Variants in CCDC7 observed in about 807,000 individuals in gnomAD.
CCDC7 encodes coiled-coil domain-containing protein 7.
CCDC7 carries 183 observed loss-of-function variants against 196.9 expected under a neutral mutation model. The observed-to-expected ratio is 0.93, with a 90% CI of 0.82 to 1.05. The LOEUF (loss-of-function observed/expected upper bound fraction) is 1.05. Among genes scored for constraint, CCDC7 ranks in the 50% least tolerant of loss-of-function variants. The pLI is 0.00. For synonymous variants in CCDC7, 525 were observed against 484.6 expected, an observed-to-expected ratio of 1.08 and a Z score of -1.10; for missense variants, 1,540 against 1,482.2, an observed-to-expected ratio of 1.04 and a Z score of -0.64.
At chr10:32,759,325 G>T (rs573311986) in intron 28 of CCDC7, among the ~76,000 whole-genome samples, 1 of 152,062 alleles carries the variant, frequency 6.6e-6, no homozygotes, top group Non-Finnish European at 1.5e-5. Context: ...GAGGCATCAC[G>T]CTACCTGACT....
chr10:32,658,269 G>T (rs1780526530), intron 20 of CCDC7, among the ~76,000 whole-genome samples: 1 of 152,168 alleles, frequency 6.6e-6, no homozygotes, highest in Non-Finnish European at 1.5e-5. Context: ...CTGCTATGAA[G>T]AAATACCTGA....
intron 11 of CCDC7, among the ~76,000 whole-genome samples, chr10:32,541,751 C>G (rs1347098215): frequency 1.3e-5 from 2 of 152,226 alleles, no homozygotes; most frequent in Non-Finnish European, 2.9e-5. Context: ...GTCCCAGTGG[C>G]TCCTACCTCA....
intron 41 of CCDC7, among the ~76,000 whole-genome samples, chr10:32,859,842 A>G (rs1226738443): frequency 6.6e-6 from 1 of 152,174 alleles, no homozygotes; most frequent in African/African-American, 2.4e-5. Context: ...GTACACATAC[A>G]CCCTCCCAAG....
chr10:32,822,907 A>C lies in CCDC7; in HGVS notation c.3182-1611A>C, dbSNP rs531460782. 1.4e-3 allele frequency among the ~76,000 whole-genome samples: 216 copies of C among 152,326 alleles called. 1 individual carries two copies. Among genetic ancestry groups the C allele is most frequent in the African/African-American group, 4.9e-3 (205 of 41,572 alleles). On this transcript the variant is annotated intron_variant, in intron 31 of 41. Coordinates refer to ENST00000639629, the Ensembl canonical transcript of CCDC7. ...ACTAGTTGATAAATTTCTCCAGCAC[A>C]TAACTTTGTATTCGTAGTGTTTAAC... is the stretch of plus-strand genomic sequence containing the variant.
At chr10:32,750,623 A>G (rs983927307) in intron 28 of CCDC7, among the ~76,000 whole-genome samples, 1 of 152,166 alleles carries the variant, frequency 6.6e-6, no homozygotes, top group Admixed American at 6.5e-5. Flanking sequence ...ATCTCCTGCC[A>G]TGGTTCCACT....
intron 29 of CCDC7, among the ~76,000 whole-genome samples, chr10:32,798,133 G>A (rs1022716543): frequency 6.6e-6 from 1 of 152,180 alleles, no homozygotes; most frequent in African/African-American, 2.4e-5. Context: ...ATAGGCAAAC[G>A]CATAACTGGA....
chr10:32,650,310 C>T (rs1041126737), intron 20 of CCDC7, among the ~76,000 whole-genome samples: 23 of 152,118 alleles, frequency 1.5e-4, no homozygotes, highest in Admixed American at 6.5e-4. Flanking sequence ...GGTTGCCATA[C>T]GGTAGATGGT....
chr10:32,802,858 C>A (rs2085081913), intron 29 of CCDC7, among the ~76,000 whole-genome samples: 1 of 152,208 alleles, frequency 6.6e-6, no homozygotes, highest in Non-Finnish European at 1.5e-5. Context: ...CCAGTTTAGT[C>A]TTTCACATTC....
intron 16 of CCDC7, among the ~76,000 whole-genome samples, chr10:32,575,513 G>A (rs983996134): frequency 3.3e-5 from 5 of 152,266 alleles, no homozygotes; most frequent in East Asian, 1.9e-4. Context: ...CTCCTGAGAG[G>A]AACCCCCTTC....
At position 32,695,127 on chromosome 10, in the gene CCDC7, A is replaced by T. The variant is rs572518932; in HGVS notation, c.2458+135A>T. ...TACTTTACAGTGTGAATACCTTAAA[A>T]TAACTAGAGAACAAAAGCCATATAA... On this transcript the variant is annotated intron_variant, in intron 24 of 41. Coordinates refer to ENST00000639629, the Ensembl canonical transcript of CCDC7. 4 of 410,574 alleles carry T rather than the reference A, an allele frequency of 9.7e-6. No individual in the cohort carries two copies. In the South Asian group the frequency reaches 3.0e-4, roughly 30 times the overall value. 25.4% of individuals were successfully genotyped at this position (410,574 alleles called of 1,614,324 possible).
chr10:32,617,420 C>A (rs954810716), intron 18 of CCDC7, among the ~76,000 whole-genome samples: 5 of 151,612 alleles, frequency 3.3e-5, no homozygotes, highest in African/African-American at 1.2e-4. Flanking sequence ...TTGTTGTAGG[C>A]TTTAATGCTA....
chr10:32,571,699 T>C (rs1049282253), intron 15 of CCDC7, among the ~76,000 whole-genome samples, 160 bp from the exon 17 acceptor site: 2 of 152,140 alleles, frequency 1.3e-5, no homozygotes, highest in Non-Finnish European at 2.9e-5. Context: ...ATAATGTCTC[T>C]TCCAATGCTA....
intron 20 of CCDC7, among the ~76,000 whole-genome samples, chr10:32,649,081 TCTTA>T (rs1375171949): frequency 2.0e-5 from 3 of 152,308 alleles, no homozygotes; most frequent in African/African-American, 4.8e-5. Flanking sequence ...TACCACATAT[TCTTA>T]CTTCTAAGTG....
intron 8 of CCDC7, among the ~76,000 whole-genome samples, chr10:32,478,985 T>C (rs185083649): frequency 6.4e-4 from 97 of 152,230 alleles, no homozygotes; most frequent in African/African-American, 2.1e-3. Flanking sequence ...TTCTTTTAAA[T>C]AGGCCTATTC....
At chr10:32,702,818 T>G (rs1170633446) in intron 24 of CCDC7, among the ~76,000 whole-genome samples, 1 of 152,216 alleles carries the variant, frequency 6.6e-6, no homozygotes, top group East Asian at 1.9e-4. Context: ...ATCTGTTTTA[T>G]CCAAGACTAG....
intron 30 of CCDC7, among the ~76,000 whole-genome samples, chr10:32,806,320 A>G (rs766717032): frequency 1.3e-5 from 2 of 152,238 alleles, no homozygotes; most frequent in Non-Finnish European, 2.9e-5. Flanking sequence ...TTTTCAGCAT[A>G]AAAGTATGAG....
intron 31 of CCDC7, 86 bp downstream of exon 32, chr10:32,814,539 C>G: frequency 1.1e-6 from 1 of 918,688 alleles, no homozygotes; most frequent in South Asian, 1.4e-5. Flanking sequence ...TTAAGGAGAA[C>G]AGTGCCTATG....
At chr10:32,845,902 G>A in exon 36 of CCDC7, 1 of 1,611,812 alleles carries the variant, frequency 6.2e-7, no homozygotes, top group Non-Finnish European at 8.5e-7. Context: ...CTTGGCAGAT[G>A]CTATTGGAAG....
intron 28 of CCDC7, among the ~76,000 whole-genome samples, chr10:32,749,598 G>A (rs1203854884): frequency 6.6e-6 from 1 of 152,112 alleles, no homozygotes; most frequent in East Asian, 1.9e-4. Flanking sequence ...CTGTGGACAT[G>A]TGATTGTTAC....
Sources: allele counts gnomAD v4.1 joint callset (sites outside exome capture counted in the v4.1 genomes callset), GRCh38; gene constraint gnomAD v4.1.1; transcripts MANE v1.5; gene names NCBI Gene and HGNC (gene_info 2026-07-23, HGNC 2026-07-21).